The following ADGRL3 variants were observed in gnomAD, a reference collection of about 807,000 sequenced individuals.
ADGRL3 encodes the protein calcium-independent alpha-latrotoxin receptor 3.
In ADGRL3, 62 loss-of-function variants were observed where a neutral mutation model predicts 153.5. The observed-to-expected ratio is 0.40, with a 90% CI of 0.33 to 0.50. ADGRL3 has a LOEUF of 0.50. ADGRL3 is among the 20% of genes least tolerant of loss of function. The pLI, the probability that ADGRL3 is intolerant of heterozygous loss-of-function variation, is 0.47. For synonymous variants in ADGRL3, 710 were observed against 672.5 expected (o/e 1.06, Z -0.86); for missense variants, 1,641 against 1,859.4 (o/e 0.88, Z 2.16).
chr4:61,273,890 A>AG (rs1438597068), intron 1 of ADGRL3, among the ~76,000 whole-genome samples: 2 of 152,178 alleles, frequency 1.3e-5, no homozygotes, highest in African/African-American at 4.8e-5. Context: ...TCCTAGGCAT[A>AG]GAAGAATGGC....
intron 4 of ADGRL3, among the ~76,000 whole-genome samples, chr4:61,519,041 C>T (rs991425378): frequency 7.9e-5 from 12 of 152,094 alleles, no homozygotes; most frequent in African/African-American, 2.4e-4. Context: ...GTACATTCAT[C>T]GGACTTTCTA....
chr4:62,023,657 T>C (rs991068581), intron 21 of ADGRL3, among the ~76,000 whole-genome samples: 3 of 152,116 alleles, frequency 2.0e-5, no homozygotes, highest in Non-Finnish European at 4.4e-5. Flanking sequence ...TCCAGACAAG[T>C]CTCTCCATCA....
At position 61,364,600 on chromosome 4, in the gene ADGRL3, C is replaced by T. The variant is rs148188457; in HGVS notation, c.-239-18524C>T. On this transcript the variant is annotated intron_variant, in intron 1 of 26. Coordinates refer to ENST00000683033, the MANE Select transcript of ADGRL3 (RefSeq NM_001387552.1). ...TATTTTTGTAGCACACGAAATAGCACACTGTCTAGAAAACAGCAGATTTAG... is the reference window on the plus strand; with the variant it reads ...TATTTTTGTAGCACACGAAATAGCATACTGTCTAGAAAACAGCAGATTTAG... Among the ~76,000 whole-genome samples the T allele has an allele frequency of 6.1e-3, 928 of 151,926 alleles. 9 individuals are homozygous for T. The highest frequency in any genetic ancestry group is 0.02 in the African/African-American group (849 of 41,456).
intron 1 of ADGRL3, among the ~76,000 whole-genome samples, chr4:61,271,324 T>C (rs975099257): frequency 6.6e-6 from 1 of 151,982 alleles, no homozygotes; most frequent in Non-Finnish European, 1.5e-5. Flanking sequence ...AGGTTATGCA[T>C]TATAGCATTA....
At chr4:61,386,047 T>A (rs535564099) in intron 2 of ADGRL3, among the ~76,000 whole-genome samples, 1 of 152,274 alleles carries the variant, frequency 6.6e-6, no homozygotes. Flanking sequence ...GTGGTGGTTG[T>A]TTGAAAGGGT....
chr4:61,238,161 T>A (rs961753688), intron 1 of ADGRL3, among the ~76,000 whole-genome samples: 13 of 152,192 alleles, frequency 8.5e-5, no homozygotes, highest in African/African-American at 3.1e-4. Flanking sequence ...TTTGTTCTTA[T>A]AGTACAAGAG....
intron 1 of ADGRL3, among the ~76,000 whole-genome samples, chr4:61,248,724 C>T (rs145716386): frequency 5.3e-5 from 8 of 152,096 alleles, no homozygotes; most frequent in South Asian, 2.1e-4. Flanking sequence ...AAATAGAGTC[C>T]GAGCCAGTTT....
chr4:61,553,431 T>G (rs535037496), intron 4 of ADGRL3, among the ~76,000 whole-genome samples: 1 of 152,294 alleles, frequency 6.6e-6, no homozygotes, highest in East Asian at 1.9e-4. Flanking sequence ...TTCGATAAAA[T>G]AATACAACTA....
chr4:61,532,555 C>T (rs335301), intron 4 of ADGRL3, among the ~76,000 whole-genome samples: 123,059 of 131,658 alleles, frequency 0.93, 57,576 homozygotes, highest in Middle Eastern at 0.97. Context: ...CGCGCGCGCG[C>T]GTGTGTGTGT....
rs541229167 is a variant in ADGRL3 at position 61,557,809 on chromosome 4, TTTGA to T, written c.260-29414_260-29411del. Among the ~76,000 whole-genome samples, 858 of 151,754 alleles carry T rather than the reference TTTGA, an allele frequency of 5.7e-3. 3 individuals are homozygous for T. Among genetic ancestry groups the T allele is most frequent in the Middle Eastern group, 0.017 (5 of 294 alleles). Reference sequence around the variant, plus strand: ...TCAGTGTTTTTTTTTTTCTTGGTTGTTTGATTGGTTTTGTTTGTTTGTTTGTTTA... The same window carrying T: ...TCAGTGTTTTTTTTTTTCTTGGTTGTTTGGTTTTGTTTGTTTGTTTGTTTA... On this transcript the variant is annotated intron_variant, in intron 4 of 26. Transcript: ENST00000683033.
At chr4:61,391,098 A>C (rs1467463967) in intron 2 of ADGRL3, among the ~76,000 whole-genome samples, 1 of 152,216 alleles carries the variant, frequency 6.6e-6, no homozygotes, top group Admixed American at 6.5e-5. Context: ...GTGTTAGTTC[A>C]TTGGTACGCC....
chr4:61,366,131 A>G (rs1578452616), intron 1 of ADGRL3, among the ~76,000 whole-genome samples: 2 of 132,154 alleles, frequency 1.5e-5, no homozygotes, highest in African/African-American at 5.1e-5. Context: ...GCATTTAAAT[A>G]TTTTCTTTAA....
At chr4:61,567,231 C>T (rs1405726739) in intron 4 of ADGRL3, among the ~76,000 whole-genome samples, 1 of 152,134 alleles carries the variant, frequency 6.6e-6, no homozygotes, top group African/African-American at 2.4e-5. Flanking sequence ...GAGTAATTTC[C>T]AAAGTGCAGG....
At chr4:61,771,403 A>G (rs563762496) in intron 8 of ADGRL3, among the ~76,000 whole-genome samples, 87 of 152,304 alleles carry the variant, frequency 5.7e-4, no homozygotes, top group African/African-American at 2.0e-3. Flanking sequence ...AGTTCCTCTC[A>G]GGCTCTGAAG....
intron 6 of ADGRL3, among the ~76,000 whole-genome samples, chr4:61,720,470 A>ATTTT (rs1437648254): frequency 2.0e-5 from 3 of 152,164 alleles, no homozygotes; most frequent in African/African-American, 7.2e-5. Context: ...TCACAATCAT[A>ATTTT]TTTTTATTAA....
chr4:62,041,186 G>A (rs1728086672), intron 24 of ADGRL3, among the ~76,000 whole-genome samples: 1 of 152,042 alleles, frequency 6.6e-6, no homozygotes, highest in South Asian at 2.1e-4. Flanking sequence ...AGATAATGCA[G>A]GGGATGATGG....
chr4:61,969,896 C>T (rs1237080577), intron 17 of ADGRL3, among the ~76,000 whole-genome samples: 1 of 152,140 alleles, frequency 6.6e-6, no homozygotes, highest in Admixed American at 6.6e-5. Context: ...CTACGTGGTC[C>T]TGTGGATTTT....
chr4:61,761,940 A>C (rs1179719136), intron 8 of ADGRL3, among the ~76,000 whole-genome samples: 1 of 152,206 alleles, frequency 6.6e-6, no homozygotes, highest in Non-Finnish European at 1.5e-5. Context: ...CTAATAAATA[A>C]ATAGATAAAT....
chr4:61,440,712 A>G (rs2097519902), intron 2 of ADGRL3, among the ~76,000 whole-genome samples: 1 of 152,166 alleles, frequency 6.6e-6, no homozygotes. Context: ...ATGATGTTCT[A>G]TTCATTTATC....
Sources: allele counts gnomAD v4.1 joint callset (sites outside exome capture counted in the v4.1 genomes callset), GRCh38; gene constraint gnomAD v4.1.1; transcripts MANE v1.5; gene names NCBI Gene and HGNC (gene_info 2026-07-23, HGNC 2026-07-21).